The following RERG variants were observed in gnomAD, a reference collection of about 807,000 sequenced individuals.
RERG encodes the protein RAS like estrogen regulated growth inhibitor.
A neutral mutation model predicts 23.2 loss-of-function variants in RERG; 25 were observed. The observed-to-expected ratio is 1.08, with a 90% confidence interval of 0.79 to 1.50. The LOEUF (loss-of-function observed/expected upper bound fraction) is 1.50. RERG is among the 40% of genes most tolerant of loss of function. The pLI, the probability that RERG is intolerant of heterozygous loss-of-function variation, is 0.00. For synonymous variants in RERG, 81 were observed against 89.1 expected (o/e 0.91, Z 0.51); for missense variants, 253 against 250.1 (o/e 1.01, Z -0.08).
intron 3 of RERG, among the ~76,000 whole-genome samples, chr12:15,117,675 G>GTGCGCGCACACA (rs1555119494): frequency 4.1e-5 from 6 of 145,020 alleles, no homozygotes; most frequent in Non-Finnish European, 5.9e-5. Flanking sequence ...TCACACACGC[G>GTGCGCGCACACA]CACACACACA....
At chr12:15,165,875 C>A (rs1228539167) in intron 2 of RERG, among the ~76,000 whole-genome samples, 1 of 152,146 alleles carries the variant, frequency 6.6e-6, no homozygotes, top group Non-Finnish European at 1.5e-5. Flanking sequence ...CCCTGTCAAC[C>A]TTTTAGAGAT....
intron 2 of RERG, among the ~76,000 whole-genome samples, chr12:15,175,338 T>C (rs1864834313): frequency 3.4e-5 from 2 of 58,112 alleles, no homozygotes; most frequent in Non-Finnish European, 7.8e-5. Context: ...AGGCTCTGTG[T>C]GTGTGTGTGT....
At chr12:15,133,326 T>C (rs1255645125) in intron 2 of RERG, among the ~76,000 whole-genome samples, 4 of 151,952 alleles carry the variant, frequency 2.6e-5, no homozygotes, top group Non-Finnish European at 4.4e-5. Context: ...GAATGTCATA[T>C]AGTTGGATCA....
At chr12:15,210,751 G>A (rs1001695010) in intron 2 of RERG, among the ~76,000 whole-genome samples, 3 of 151,924 alleles carry the variant, frequency 2.0e-5, no homozygotes, top group African/African-American at 7.3e-5. Context: ...TTGGTCTTGG[G>A]GTAGAAAAAA....
rs112976217 is a variant in RERG at position 15,145,282 on chromosome 12, C to T, written c.62-24163G>A. Reference sequence around the variant, plus strand: ...TGGTGTGGACTTATACCCCCTCCCTCTTAGGCTGAGCCAGTGACCTGGAAT... The same window carrying T: ...TGGTGTGGACTTATACCCCCTCCCTTTTAGGCTGAGCCAGTGACCTGGAAT... On this transcript the variant is annotated intron_variant, in intron 2 of 4. Coordinates refer to ENST00000256953, the MANE Select transcript of RERG (RefSeq NM_032918.3). Among the ~76,000 whole-genome samples the T allele has an allele frequency of 4.6e-5, 7 of 152,342 alleles. 1 individual carries two copies. The highest frequency in any genetic ancestry group is 1.7e-4 in the African/African-American group (7 of 41,582).
chr12:15,190,970 TA>T (rs1409099421), intron 2 of RERG, among the ~76,000 whole-genome samples: 1 of 152,162 alleles, frequency 6.6e-6, no homozygotes, highest in Non-Finnish European at 1.5e-5. Context: ...GTTGTGAGAT[TA>T]AGGTTTCACT....
At chr12:15,151,123 A>T (rs918858103) in intron 2 of RERG, among the ~76,000 whole-genome samples, 2 of 152,172 alleles carry the variant, frequency 1.3e-5, no homozygotes, top group Non-Finnish European at 2.9e-5. Flanking sequence ...ATCCAAAATC[A>T]GTCTTGGTTT....
chr12:15,161,541 T>C (rs952468790), intron 2 of RERG, among the ~76,000 whole-genome samples: 1 of 152,162 alleles, frequency 6.6e-6, no homozygotes, highest in African/African-American at 2.4e-5. Context: ...TCACCATGAG[T>C]AGCTGGTGCA....
chr12:15,205,500 G>C (rs924921512), intron 2 of RERG, among the ~76,000 whole-genome samples: 9 of 152,004 alleles, frequency 5.9e-5, no homozygotes, highest in Admixed American at 1.3e-4. Flanking sequence ...CTTTGGAACA[G>C]ATCACTGTTA....
At chr12:15,214,960 G>C (rs948311708) in intron 2 of RERG, among the ~76,000 whole-genome samples, 1 of 152,176 alleles carries the variant, frequency 6.6e-6, no homozygotes, top group Non-Finnish European at 1.5e-5. Context: ...TAAAATGTGA[G>C]GTGCAGTTAC....
intron 3 of RERG, among the ~76,000 whole-genome samples, chr12:15,116,312 C>T (rs1863720932): frequency 6.6e-6 from 1 of 152,202 alleles, no homozygotes. Context: ...GCATCAGCCC[C>T]AGAGACTGGA....
chr12:15,161,154 G>GAAAGAAAGAA (rs1864601607), intron 2 of RERG, among the ~76,000 whole-genome samples: 1 of 92,042 alleles, frequency 1.1e-5, no homozygotes, highest in African/African-American at 4.4e-5. Flanking sequence ...AAGAAAGAAA[G>GAAAGAAAGAA]AAAGAAAGAA....
At chr12:15,141,282 A>C (rs1187356984) in intron 2 of RERG, among the ~76,000 whole-genome samples, 1 of 151,738 alleles carries the variant, frequency 6.6e-6, no homozygotes, top group Non-Finnish European at 1.5e-5. Context: ...CAGCCTCCTG[A>C]GTAGTTGGGA....
intron 2 of RERG, among the ~76,000 whole-genome samples, chr12:15,202,321 C>T (rs1865228293): frequency 6.6e-6 from 1 of 151,708 alleles, no homozygotes; most frequent in African/African-American, 2.4e-5. Context: ...TGAGATCTAA[C>T]CTCTTAACAA....
At chr12:15,200,381 A>G (rs1267847529) in intron 2 of RERG, among the ~76,000 whole-genome samples, 3 of 152,030 alleles carry the variant, frequency 2.0e-5, no homozygotes, top group Non-Finnish European at 2.9e-5. Context: ...AAGCACCATC[A>G]TCATGTAATT....
chr12:15,151,530 A>T (rs1394320460), intron 2 of RERG, among the ~76,000 whole-genome samples: 1 of 152,228 alleles, frequency 6.6e-6, no homozygotes, highest in Non-Finnish European at 1.5e-5. Context: ...TTTGTTGTAG[A>T]TTGTAGATGT....
intron 2 of RERG, 158 bp downstream of exon 2, chr12:15,217,271 C>T (rs1050055392): frequency 3.3e-6 from 2 of 610,840 alleles, no homozygotes; most frequent in African/African-American, 3.7e-5. Context: ...GTCGATTACG[C>T]AAAATAAAAG....
At chr12:15,127,307 G>T (rs1268297328) in intron 2 of RERG, among the ~76,000 whole-genome samples, 1 of 152,174 alleles carries the variant, frequency 6.6e-6, no homozygotes, top group African/African-American at 2.4e-5. Context: ...AAATGAATGA[G>T]AAAACAATGA....
chr12:15,179,686 G>A (rs528123478), intron 2 of RERG, among the ~76,000 whole-genome samples: 8 of 152,222 alleles, frequency 5.3e-5, no homozygotes, highest in Admixed American at 1.3e-4. Context: ...AAATGCCTAC[G>A]GGTTTTTGTA....
Sources: allele counts gnomAD v4.1 joint callset (sites outside exome capture counted in the v4.1 genomes callset), GRCh38; gene constraint gnomAD v4.1.1; transcripts MANE v1.5; gene names NCBI Gene and HGNC (gene_info 2026-07-23, HGNC 2026-07-21).